MSRA: variants seen among roughly 807,000 people sequenced by gnomAD.
The protein encoded by MSRA is mitochondrial peptide methionine sulfoxide reductase.
In MSRA, 54 loss-of-function variants were observed where a neutral mutation model predicts 31.3. The observed-to-expected ratio is 1.73, with a 90% CI of 1.39 to 2.17. MSRA has a LOEUF of 2.17. Among genes scored for constraint, MSRA ranks in the 30% most tolerant of loss-of-function variants. The pLI is 0.00. For missense variants in MSRA, 507 were observed against 300.9 expected, an observed-to-expected ratio of 1.69 and a Z score of -5.07; for synonymous variants, 169 against 116.5, an observed-to-expected ratio of 1.45 and a Z score of -2.90.
chr8:10,068,427 T>G (rs1484612485), intron 1 of MSRA, among the ~76,000 whole-genome samples: 1 of 152,238 alleles, frequency 6.6e-6, no homozygotes, highest in East Asian at 1.9e-4. Context: ...CTGTGTTATC[T>G]TCTAGGATTT....
At chr8:10,418,628 A>G (rs958165952) in intron 5 of MSRA, among the ~76,000 whole-genome samples, 7 of 152,086 alleles carry the variant, frequency 4.6e-5, no homozygotes, top group African/African-American at 1.2e-4. Flanking sequence ...ATGGTCCCCA[A>G]GAGACACTAT....
chr8:10,358,524 C>G (rs971434079), intron 5 of MSRA, among the ~76,000 whole-genome samples: 3 of 143,258 alleles, frequency 2.1e-5, no homozygotes, highest in African/African-American at 7.8e-5. Context: ...GCATTACCAC[C>G]TCAGCTCCGC....
intron 1 of MSRA, among the ~76,000 whole-genome samples, chr8:10,110,691 C>T (rs774935284): frequency 5.9e-5 from 9 of 152,170 alleles, no homozygotes; most frequent in Admixed American, 1.3e-4. Context: ...GTAGTGATCG[C>T]GCTTTCTCCC....
intron 5 of MSRA, among the ~76,000 whole-genome samples, chr8:10,377,342 T>G (rs1202605044): frequency 6.6e-6 from 1 of 152,260 alleles, no homozygotes; most frequent in East Asian, 1.9e-4. Context: ...GACTTCTGAT[T>G]TGAGGCACAG....
intron 3 of MSRA, among the ~76,000 whole-genome samples, chr8:10,290,499 C>G (rs1037400416): frequency 6.6e-6 from 1 of 152,126 alleles, no homozygotes; most frequent in Non-Finnish European, 1.5e-5. Context: ...ACATCAGATG[C>G]CCAAGTTCGT....
chr8:10,150,997 G>A (rs2129036570), intron 1 of MSRA, among the ~76,000 whole-genome samples: 1 of 152,172 alleles, frequency 6.6e-6, no homozygotes, highest in Non-Finnish European at 1.5e-5. Context: ...GTGCATGCAT[G>A]TGTGTGTCAG....
At position 10,395,144 on chromosome 8, in the gene MSRA, C is replaced by G. The variant is rs1473029072; in HGVS notation, c.544-33004C>G. Among the ~76,000 whole-genome samples the G allele has an allele frequency of 2.0e-5, 3 of 152,072 alleles. No homozygotes were observed. The East Asian group carries it at 5.8e-4, about 29-fold the overall frequency. On this transcript the variant is annotated intron_variant, in intron 5 of 5. Coordinates refer to ENST00000317173, the MANE Select transcript of MSRA (RefSeq NM_012331.5). ...GAACACGCAGGAGGAAGCGTTGGAG[C>G]CTAGCTTTTGGTGGCCGGGGGGAAG...
chr8:10,342,122 C>G (rs553798872), intron 5 of MSRA, among the ~76,000 whole-genome samples: 3 of 152,258 alleles, frequency 2.0e-5, no homozygotes, highest in African/African-American at 7.2e-5. Context: ...TGTGCAAAAG[C>G]AACACTTTTC....
At chr8:10,404,777 C>T (rs999716427) in intron 5 of MSRA, among the ~76,000 whole-genome samples, 1 of 152,232 alleles carries the variant, frequency 6.6e-6, no homozygotes, top group African/African-American at 2.4e-5. Flanking sequence ...GCCCATTTCC[C>T]CCAGGCCACC....
At chr8:10,231,558 T>C (rs1312579471) in intron 2 of MSRA, among the ~76,000 whole-genome samples, 1 of 152,206 alleles carries the variant, frequency 6.6e-6, no homozygotes, top group Non-Finnish European at 1.5e-5. Flanking sequence ...TTTAAGTCAT[T>C]CTCAGATGGA....
intron 1 of MSRA, among the ~76,000 whole-genome samples, chr8:10,103,469 A>C (rs1799666773): frequency 6.6e-6 from 1 of 152,160 alleles, no homozygotes; most frequent in African/African-American, 2.4e-5. Context: ...AATCTCCAAA[A>C]CTCTAAAGGT....
At chr8:10,267,046 A>G (rs920135935) in intron 3 of MSRA, among the ~76,000 whole-genome samples, 3 of 152,256 alleles carry the variant, frequency 2.0e-5, no homozygotes, top group East Asian at 1.9e-4. Flanking sequence ...TCGAACGAAC[A>G]TGGATGGAGC....
chr8:10,256,974 T>A (rs1000075339), intron 3 of MSRA, among the ~76,000 whole-genome samples: 2 of 152,212 alleles, frequency 1.3e-5, no homozygotes, highest in Non-Finnish European at 2.9e-5. Context: ...TACATTTCTT[T>A]CCTTCATAAT....
intron 1 of MSRA, among the ~76,000 whole-genome samples, chr8:10,091,767 C>G (rs1413526683): frequency 6.6e-6 from 1 of 152,066 alleles, no homozygotes; most frequent in Non-Finnish European, 1.5e-5. Context: ...CCACCACACC[C>G]CGCTAATTTT....
chr8:10,190,408 G>A (rs116784868), intron 1 of MSRA, among the ~76,000 whole-genome samples: 25 of 152,302 alleles, frequency 1.6e-4, no homozygotes, highest in African/African-American at 6.0e-4. Flanking sequence ...GCCCCCGTCA[G>A]TGCCTGGACA....
intron 5 of MSRA, among the ~76,000 whole-genome samples, chr8:10,361,779 AAT>A (rs1227640677): frequency 6.6e-6 from 1 of 152,194 alleles, no homozygotes; most frequent in Non-Finnish European, 1.5e-5. Flanking sequence ...TCACTTAATA[AAT>A]ATATATGACT....
intron 1 of MSRA, among the ~76,000 whole-genome samples, chr8:10,144,416 C>T (rs565806890): frequency 1.9e-4 from 29 of 152,170 alleles, no homozygotes; most frequent in African/African-American, 5.3e-4. Context: ...CCTCAGAGTC[C>T]GTGAGGATGA....
intron 5 of MSRA, among the ~76,000 whole-genome samples, chr8:10,325,707 C>A (rs1400399954): frequency 6.6e-6 from 1 of 152,166 alleles, no homozygotes; most frequent in Non-Finnish European, 1.5e-5. Context: ...GTGCTTTAGC[C>A]TTTACCTTAA....
intron 1 of MSRA, among the ~76,000 whole-genome samples, chr8:10,163,870 C>T (rs1376762343): frequency 6.6e-6 from 1 of 152,200 alleles, no homozygotes; most frequent in Non-Finnish European, 1.5e-5. Context: ...GCCCTTTGCC[C>T]CAGTCGGCAT....
Sources: allele counts gnomAD v4.1 joint callset (sites outside exome capture counted in the v4.1 genomes callset), GRCh38; gene constraint gnomAD v4.1.1; transcripts MANE v1.5; gene names NCBI Gene and HGNC (gene_info 2026-07-23, HGNC 2026-07-21).